TMPRSS11F: variants seen among roughly 807,000 people sequenced by gnomAD.
TMPRSS11F encodes the protein transmembrane protease serine 11F.
TMPRSS11F carries 47 observed loss-of-function variants against 60.2 expected under a neutral mutation model. That is an observed-to-expected ratio of 0.78 (90% confidence interval 0.62 to 1.00). TMPRSS11F has a LOEUF of 1.00. Among genes scored for constraint, TMPRSS11F ranks in the 50% least tolerant of loss-of-function variants. The probability of loss-of-function intolerance (pLI) is 0.00; values close to 1 mark genes in which losing one functional copy is unlikely to be tolerated. For synonymous variants in TMPRSS11F, 166 were observed against 167.3 expected (o/e 0.99, Z 0.06); for missense variants, 519 against 522.9 (o/e 0.99, Z 0.07).
In TMPRSS11F at chr4:68,129,811, C is replaced by T. The variant is rs10030708; in HGVS notation, c.10G>A (p.Ala4Thr). 468,822 of 1,609,190 alleles carry T rather than the reference C, an allele frequency of 0.29. 70,154 individuals are homozygous for T. Among genetic ancestry groups the T allele is most frequent in the East Asian group, 0.48 (21,388 of 44,816 alleles). ...TACTGAGAAAAGCTGAATACTTACG[C>T]GTACATCATGAACCCAGGACTGGGG... is the stretch of plus-strand genomic sequence containing the variant. MMY[A>T]PVEFSEAEFS... Residue 4 changes from alanine (A) to threonine (T), a missense_variant and splice_region_variant, in exon 1 of 10, where the codon GCA becomes ACA. Ala to Thr is a moderately conservative substitution (Grantham distance 58). Coordinates refer to ENST00000356291, the MANE Select transcript of TMPRSS11F (RefSeq NM_207407.2).
At position 68,053,745 on chromosome 4, in the gene TMPRSS11F, C is replaced by T. The variant is rs372513699; in HGVS notation, c.*164G>A. 6 of 567,632 alleles carry T rather than the reference C, an allele frequency of 1.1e-5. No individual in the cohort carries two copies. In the African/African-American group the frequency reaches 1.1e-4, roughly 11 times the overall value. The allele number at this position is 567,632 out of a possible 1,614,324, so 35.2% of individuals were successfully genotyped here. On this transcript the variant is annotated 3_prime_UTR_variant, in exon 10 of 10. Transcript: ENST00000356291. ...CCCTCATGGTAGAGAGGGTTTGGTC[C>T]TACGTATGTAAAGGCCACCTCAGGA...
intron 8 of TMPRSS11F, among the ~76,000 whole-genome samples, chr4:68,060,433 G>C (rs1009194533): frequency 7.3e-6 from 1 of 136,580 alleles, no homozygotes; most frequent in South Asian, 2.4e-4. Flanking sequence ...GGAGAACGGC[G>C]TGAACCTGGG....
intron 1 of TMPRSS11F, among the ~76,000 whole-genome samples, chr4:68,128,055 T>A (rs1724748622): frequency 6.6e-6 from 1 of 152,192 alleles, no homozygotes; most frequent in Non-Finnish European, 1.5e-5. Flanking sequence ...CTTGAACACA[T>A]CTAAATGATG....
At chr4:68,094,555 TAAATAAATAAATTTAA>T (rs984910354) in intron 2 of TMPRSS11F, among the ~76,000 whole-genome samples, 5 of 140,756 alleles carry the variant, frequency 3.6e-5, no homozygotes, top group African/African-American at 1.3e-4. Flanking sequence ...ATAATAATAA[TAAATAAATAAATTTAA>T]AAATAAATAA....
intron 5 of TMPRSS11F, among the ~76,000 whole-genome samples, chr4:68,071,547 G>C (rs1033173442): frequency 6.6e-6 from 1 of 152,044 alleles, no homozygotes; most frequent in Non-Finnish European, 1.5e-5. Context: ...GGAGGAGAAA[G>C]AAAATAAAAA....
At chr4:68,124,967 T>TTTTTTTTTC (rs397993852) in intron 1 of TMPRSS11F, among the ~76,000 whole-genome samples, 1 of 149,252 alleles carries the variant, frequency 6.7e-6, no homozygotes. Flanking sequence ...TTTTTTTTTT[T>TTTTTTTTTC]ACATAGTACA....
At chr4:68,091,544 T>A (rs547363151) in intron 2 of TMPRSS11F, among the ~76,000 whole-genome samples, 1 of 152,224 alleles carries the variant, frequency 6.6e-6, no homozygotes, top group African/African-American at 2.4e-5. Flanking sequence ...GCACATTAAA[T>A]AGGCACCTCT....
At chr4:68,124,303 T>C (rs1168186256) in intron 1 of TMPRSS11F, among the ~76,000 whole-genome samples, 1 of 151,914 alleles carries the variant, frequency 6.6e-6, no homozygotes, top group Non-Finnish European at 1.5e-5. Flanking sequence ...ATCCCAGCAC[T>C]TTTGAGCTCA....
intron 2 of TMPRSS11F, among the ~76,000 whole-genome samples, chr4:68,093,053 T>C (rs1357345334): frequency 6.6e-6 from 1 of 152,294 alleles, no homozygotes; most frequent in Middle Eastern, 3.4e-3. Flanking sequence ...TGAATCTTTA[T>C]TATATGCTCA....
At chr4:68,063,530 C>G (rs773343348) in intron 8 of TMPRSS11F, among the ~76,000 whole-genome samples, 1 of 152,110 alleles carries the variant, frequency 6.6e-6, no homozygotes, top group Non-Finnish European at 1.5e-5. Flanking sequence ...GCCTGCACCA[C>G]CATGCCCTGT....
chr4:68,082,129 T>C (rs539129521), intron 3 of TMPRSS11F, among the ~76,000 whole-genome samples: 79 of 152,222 alleles, frequency 5.2e-4, no homozygotes, highest in African/African-American at 1.9e-3. Context: ...CTGGCAACCC[T>C]ATGTGGTCTT....
At chr4:68,074,710 T>A (rs1310030366) in intron 3 of TMPRSS11F, among the ~76,000 whole-genome samples, 1 of 143,422 alleles carries the variant, frequency 7.0e-6, no homozygotes, top group Non-Finnish European at 1.5e-5. Flanking sequence ...TTTCCCAGTC[T>A]AAGCCATTGG....
intron 2 of TMPRSS11F, among the ~76,000 whole-genome samples, chr4:68,093,354 G>T (rs975114228): frequency 2.6e-5 from 4 of 152,214 alleles, no homozygotes; most frequent in African/African-American, 9.6e-5. Context: ...TATGTAGAAA[G>T]CTGAAACTGG....
intron 7 of TMPRSS11F, among the ~76,000 whole-genome samples, chr4:68,066,830 A>C (rs1345121224): frequency 6.6e-6 from 1 of 151,142 alleles, no homozygotes; most frequent in African/African-American, 2.4e-5. Flanking sequence ...GCTACTCGGG[A>C]GGCTGAGGCA....
intron 2 of TMPRSS11F, among the ~76,000 whole-genome samples, chr4:68,093,882 T>C (rs1724008858): frequency 7.0e-6 from 1 of 141,982 alleles, no homozygotes. Flanking sequence ...TGGCAATCAT[T>C]AAAAAGTCAG....
intron 9 of TMPRSS11F, among the ~76,000 whole-genome samples, chr4:68,054,753 G>C (rs1723006197): frequency 6.6e-6 from 1 of 151,918 alleles, no homozygotes; most frequent in Non-Finnish European, 1.5e-5. Flanking sequence ...ACTATTTATT[G>C]AGTTCCTATT....
intron 3 of TMPRSS11F, among the ~76,000 whole-genome samples, chr4:68,089,397 C>T (rs1328395158): frequency 6.6e-6 from 1 of 151,864 alleles, no homozygotes; most frequent in Admixed American, 6.6e-5. Flanking sequence ...GGACCTACAG[C>T]GCAACTAGTT....
intron 1 of TMPRSS11F, among the ~76,000 whole-genome samples, chr4:68,110,206 C>T (rs1724385689): frequency 6.6e-6 from 1 of 152,078 alleles, no homozygotes. Context: ...GGTTAATGAC[C>T]TTCCTTACTA....
At chr4:68,103,554 A>T (rs998581839) in intron 1 of TMPRSS11F, among the ~76,000 whole-genome samples, 5 of 152,164 alleles carry the variant, frequency 3.3e-5, no homozygotes, top group Middle Eastern at 3.4e-3. Context: ...CACTGTTTTG[A>T]TTAACATAGC....
Sources: gnomAD v4.1 joint callset for allele counts (sites outside exome capture counted in the v4.1 genomes callset) on GRCh38, gnomAD v4.1.1 for gene constraint, MANE v1.5 for transcripts, NCBI Gene and HGNC (gene_info 2026-07-23, HGNC 2026-07-21) for gene names.